UBR2: variants seen among roughly 807,000 people sequenced by gnomAD.
The protein encoded by UBR2 is ubiquitin protein ligase E3 component n-recognin 2.
Under a neutral mutation model 247.9 loss-of-function variants are expected in UBR2, and 92 were observed. The ratio of observed to expected loss-of-function variants is 0.37; its 90% confidence interval spans 0.31 to 0.44. The LOEUF is 0.44. Among genes scored for constraint, UBR2 ranks in the 20% least tolerant of loss-of-function variants. UBR2 has a pLI of 1.00. For synonymous variants in UBR2, 672 were observed against 693.5 expected, an observed-to-expected ratio of 0.97 and a Z score of 0.49; for missense variants, 1,613 against 2,112.6, an observed-to-expected ratio of 0.76 and a Z score of 4.64.
In UBR2 at chr6:42,674,205, G is replaced by T. The variant is rs1798592176; in HGVS notation, c.4251+12G>T. 3 of 1,612,946 alleles carry T rather than the reference G, an allele frequency of 1.9e-6. No homozygotes were observed. The highest frequency in any genetic ancestry group is 2.5e-6 in the Non-Finnish European group (3 of 1,179,624). ...TGTTTCATTTATTGGTGGGTATTGTGCAGTTTGTTTGGACTTCTACGTCAT... is the reference window on the plus strand; with the variant it reads ...TGTTTCATTTATTGGTGGGTATTGTTCAGTTTGTTTGGACTTCTACGTCAT... On this transcript the variant is annotated intron_variant, in intron 38 of 46. Coordinates refer to ENST00000372901, the MANE Select transcript of UBR2 (RefSeq NM_001363705.2).
At position 42,642,501 on chromosome 6, in the gene UBR2, G is replaced by T. The variant is rs1276364750; in HGVS notation, c.2097+20G>T. 15 of 1,586,792 alleles carry T rather than the reference G, an allele frequency of 9.5e-6. No homozygotes were observed. Among genetic ancestry groups the T allele is most frequent in the Non-Finnish European group, 1.3e-5 (15 of 1,158,366 alleles). ...CTTCAGGTAATGAATTAAAAGCATT[G>T]AACTTAAAGGTTGTGGGGAATCTTT... On this transcript the variant is annotated intron_variant, in intron 18 of 46. Coordinates refer to ENST00000372901, the MANE Select transcript of UBR2 (RefSeq NM_001363705.2).
At chr6:42,577,185 T>C (rs1188407614) in intron 2 of UBR2, among the ~76,000 whole-genome samples, 1 of 152,152 alleles carries the variant, frequency 6.6e-6, no homozygotes, top group Non-Finnish European at 1.5e-5. Flanking sequence ...AGATTAAATA[T>C]GGTTATTGGA....
chr6:42,620,488 T>TG (rs113258424), intron 11 of UBR2: 59,803 of 124,044 alleles, frequency 0.48, 12,637 homozygotes, highest in East Asian at 0.54. Context: ...GTTGTTTTTT[T>TG]TTTTTGTTTT....
At chr6:42,619,634 G>A (rs2151942802) in intron 11 of UBR2, 1 of 155,494 alleles carries the variant, frequency 6.4e-6, no homozygotes, top group African/African-American at 2.4e-5. Context: ...CTGAGGCTGA[G>A]GCAGAAGAAT....
In UBR2 at chr6:42,644,455, T is replaced by C. The variant is rs1381417327; in HGVS notation, c.2221-18T>C. On this transcript the variant is annotated intron_variant, in intron 19 of 46. Coordinates refer to ENST00000372901, the MANE Select transcript of UBR2 (RefSeq NM_001363705.2). The stretch of plus-strand genomic sequence containing the variant: ...CATATTCTTATCTCTGAACTTTATC[T>C]TCCCTCACTTGTTATAGGATGTTGT... 1 of 1,610,040 alleles carries C rather than the reference T, an allele frequency of 6.2e-7. No individual in the cohort carries two copies. Among genetic ancestry groups the C allele is most frequent in the African/African-American group, 1.3e-5 (1 of 74,972 alleles).
At chr6:42,687,350 G>A (rs13194067) in intron 44 of UBR2, among the ~76,000 whole-genome samples, 37,231 of 151,780 alleles carry the variant, frequency 0.25, 4,952 homozygotes, top group East Asian at 0.46. Flanking sequence ...CAGGCGTGGC[G>A]GCGCGCGCCT....
At chr6:42,603,777 C>T (rs901731543) in intron 5 of UBR2, 59 bp downstream of exon 5, 1 of 1,499,920 alleles carries the variant, frequency 6.7e-7, no homozygotes, top group Non-Finnish European at 8.9e-7. Context: ...AACTTTAACA[C>T]AGCTAGTATA....
In UBR2 at chr6:42,691,277, A is replaced by G; in HGVS notation, c.*104A>G. 3 of 1,493,992 alleles carry G rather than the reference A, an allele frequency of 2.0e-6. No homozygotes were observed. Among genetic ancestry groups the G allele is most frequent in the Non-Finnish European group, 2.7e-6 (3 of 1,097,280 alleles). The allele number at this position is 1,493,992 out of a possible 1,614,324, so 92.5% of individuals were successfully genotyped here. A position where few individuals can be genotyped will look rare whatever the true frequency, so the allele number is the denominator to read the frequency against. On this transcript the variant is annotated 3_prime_UTR_variant, in exon 47 of 47. Transcript: ENST00000372901. Reference sequence around the variant, plus strand: ...ATTTGGAAATAAATTCTTTATTTAAACTTTCCTTCCCAGTTTTATAGTTTC... The same window carrying G: ...ATTTGGAAATAAATTCTTTATTTAAGCTTTCCTTCCCAGTTTTATAGTTTC...
chr6:42,636,798 G>A (rs1451691840), intron 14 of UBR2, among the ~76,000 whole-genome samples: 1 of 151,962 alleles, frequency 6.6e-6, no homozygotes, highest in Admixed American at 6.6e-5. Context: ...GGAGGGTATT[G>A]GAATAACTTC....
chr6:42,612,208 A>G lies in UBR2; in HGVS notation c.902A>G (p.Gln301Arg). The change falls in exon 8 of 47, where the codon CAA (glutamine) becomes CGA (arginine). Residue 301 changes from glutamine (Q) to arginine (R), a missense_variant. Coordinates refer to ENST00000372901, the MANE Select transcript of UBR2 (RefSeq NM_001363705.2). ...AGACAGACAAAGCCACTCAAAGTTC[A>G]AGTTATGCATTCGTCTATTGTCGCA... is the stretch of plus-strand genomic sequence containing the variant. ...TSRQTKPLKVQVMHSSIVAHQ... is the reference protein window; with the variant it reads ...TSRQTKPLKVRVMHSSIVAHQ... 1 of 1,555,180 alleles carries G rather than the reference A, an allele frequency of 6.4e-7. No homozygotes were observed. Among genetic ancestry groups the G allele is most frequent in the South Asian group, 1.2e-5 (1 of 83,798 alleles).
chr6:42,621,728 T>C (rs1357716073), intron 11 of UBR2, among the ~76,000 whole-genome samples: 2 of 152,052 alleles, frequency 1.3e-5, no homozygotes, highest in Non-Finnish European at 2.9e-5. Context: ...CCCAAAGTGC[T>C]GAGATTACAG....
intron 3 of UBR2, among the ~76,000 whole-genome samples, chr6:42,592,778 GAATATTTT>G (rs1022163127): frequency 6.6e-6 from 1 of 152,114 alleles, no homozygotes; most frequent in Admixed American, 6.6e-5. Flanking sequence ...TGGTAGAGAG[GAATATTTT>G]AATATTATTC....
At chr6:42,678,327 C>T (rs1798837899) in intron 40 of UBR2, among the ~76,000 whole-genome samples, 1 of 152,234 alleles carries the variant, frequency 6.6e-6, no homozygotes, top group Non-Finnish European at 1.5e-5. Context: ...CAGAGCGAGA[C>T]TCCGTCTCAA....
rs111290176 is a variant in UBR2, at chr6:42,579,474, T to C, written c.338+5481T>C. 1.4e-3 allele frequency among the ~76,000 whole-genome samples: 207 copies of C among 152,322 alleles called. 3 individuals are homozygous for C. Among genetic ancestry groups the C allele is most frequent in the African/African-American group, 4.6e-3 (192 of 41,582 alleles). ...ACTATATCAAGCTATTTCTTTATAA[T>C]GTGAATAGTCCAGAGATTGGAATCA... is the stretch of plus-strand genomic sequence containing the variant. On this transcript the variant is annotated intron_variant, in intron 2 of 46. Coordinates refer to ENST00000372901, the MANE Select transcript of UBR2 (RefSeq NM_001363705.2).
intron 7 of UBR2, among the ~76,000 whole-genome samples, chr6:42,607,515 A>G (rs372364832): frequency 2.0e-5 from 3 of 150,914 alleles, no homozygotes; most frequent in South Asian, 4.2e-4. Flanking sequence ...TATTATTATC[A>G]TTTTGTTGTT....
At chr6:42,576,757 G>A (rs1791545461) in intron 2 of UBR2, among the ~76,000 whole-genome samples, 1 of 152,048 alleles carries the variant, frequency 6.6e-6, no homozygotes, top group South Asian at 2.1e-4. Flanking sequence ...CTGACCTCAA[G>A]TGATCCACCT....
chr6:42,646,795 A>T (rs1029474564), intron 21 of UBR2, among the ~76,000 whole-genome samples: 2 of 150,548 alleles, frequency 1.3e-5, no homozygotes, highest in Non-Finnish European at 1.5e-5. Context: ...ACAATAATTT[A>T]TATATATATG....
At chr6:42,679,162 T>A (rs549369057) in intron 41 of UBR2, among the ~76,000 whole-genome samples, 21 of 152,396 alleles carry the variant, frequency 1.4e-4, no homozygotes, top group South Asian at 8.3e-4. Context: ...GTAGTATGAA[T>A]GTGGACTTGA....
At chr6:42,646,810 T>G (rs1260832070) in intron 21 of UBR2, among the ~76,000 whole-genome samples, 58 of 146,566 alleles carry the variant, frequency 4.0e-4, no homozygotes, top group African/African-American at 1.4e-3. Flanking sequence ...TATATGTTTA[T>G]ATATATATAT....
Sources: gnomAD v4.1 joint callset for allele counts (sites outside exome capture counted in the v4.1 genomes callset) on GRCh38, gnomAD v4.1.1 for gene constraint, MANE v1.5 for transcripts, NCBI Gene and HGNC (gene_info 2026-07-23, HGNC 2026-07-21) for gene names.